Variants in LRRTM4 observed in about 807,000 individuals in gnomAD.
The protein encoded by LRRTM4 is leucine-rich repeat transmembrane neuronal protein 4.
A neutral mutation model predicts 47.6 loss-of-function variants in LRRTM4; 25 were observed. The observed-to-expected ratio is 0.53, with a 90% CI of 0.38 to 0.73. LRRTM4 has a LOEUF of 0.73. LRRTM4 is among the 30% of genes least tolerant of loss of function. LRRTM4 has a pLI of 0.00. For synonymous variants in LRRTM4, 311 were observed against 269.5 expected (o/e 1.15, Z -1.51); for missense variants, 638 against 713.4 (o/e 0.89, Z 1.20).
chr2:77,180,299 G>A (rs2103854898), intron 3 of LRRTM4, among the ~76,000 whole-genome samples: 1 of 152,178 alleles, frequency 6.6e-6, no homozygotes, highest in South Asian at 2.1e-4. Flanking sequence ...GGGAATACTG[G>A]TACATAGCAA....
intron 3 of LRRTM4, among the ~76,000 whole-genome samples, chr2:76,965,163 C>CA (rs1252259773): frequency 6.6e-6 from 1 of 151,064 alleles, no homozygotes; most frequent in African/African-American, 2.4e-5. Flanking sequence ...TCAGAAAATA[C>CA]ACACAGAGGA....
intron 3 of LRRTM4, among the ~76,000 whole-genome samples, chr2:77,033,146 C>G (rs1018880018): frequency 2.6e-5 from 4 of 151,956 alleles, no homozygotes; most frequent in Admixed American, 2.6e-4. Context: ...CAAACTTCAG[C>G]TACAGAGAGA....
intron 3 of LRRTM4, among the ~76,000 whole-genome samples, chr2:77,236,586 T>G (rs1028620370): frequency 2.0e-5 from 3 of 152,102 alleles, no homozygotes; most frequent in African/African-American, 7.2e-5. Flanking sequence ...AGAATGAGCA[T>G]CCTTTTCTCA....
chr2:77,403,140 A>C (rs528320340), intron 3 of LRRTM4, among the ~76,000 whole-genome samples: 2 of 152,154 alleles, frequency 1.3e-5, no homozygotes, highest in Admixed American at 1.3e-4. Flanking sequence ...AATGTCTCCC[A>C]GTTAACATCA....
At chr2:76,791,956 T>A (rs1674998510) in intron 3 of LRRTM4, among the ~76,000 whole-genome samples, 1 of 152,200 alleles carries the variant, frequency 6.6e-6, no homozygotes, top group African/African-American at 2.4e-5. Context: ...CACCCACTCA[T>A]GTTTTTGTAT....
chr2:77,230,054 AT>A (rs1674922384), intron 3 of LRRTM4, among the ~76,000 whole-genome samples: 1 of 151,832 alleles, frequency 6.6e-6, no homozygotes, highest in Non-Finnish European at 1.5e-5. Context: ...AATTCCTCTA[AT>A]TTTTCAGTGC....
At chr2:76,797,273 G>C (rs1474306781) in intron 3 of LRRTM4, among the ~76,000 whole-genome samples, 1 of 152,080 alleles carries the variant, frequency 6.6e-6, no homozygotes, top group Admixed American at 6.5e-5. Flanking sequence ...TCTCTCAGCA[G>C]AAACCCTACA....
intron 3 of LRRTM4, among the ~76,000 whole-genome samples, chr2:77,124,472 G>A (rs767235889): frequency 2.0e-5 from 3 of 152,102 alleles, no homozygotes; most frequent in Non-Finnish European, 4.4e-5. Flanking sequence ...AGAGCAGCAC[G>A]AGTTCAGAAG....
chr2:77,430,076 A>T (rs887373639), intron 3 of LRRTM4, among the ~76,000 whole-genome samples: 2 of 152,178 alleles, frequency 1.3e-5, no homozygotes, highest in African/African-American at 4.8e-5. Flanking sequence ...CTCAAAAAAA[A>T]AAAATCTGTT....
chr2:77,397,669 C>T (rs778407179), intron 3 of LRRTM4, among the ~76,000 whole-genome samples: 1 of 151,766 alleles, frequency 6.6e-6, no homozygotes, highest in Non-Finnish European at 1.5e-5. Flanking sequence ...GCTATTATCT[C>T]CATTATTTTG....
chr2:77,033,127 G>A (rs1678719370), intron 3 of LRRTM4, among the ~76,000 whole-genome samples: 2 of 151,974 alleles, frequency 1.3e-5, no homozygotes, highest in African/African-American at 4.8e-5. Flanking sequence ...CTCTTGGGAG[G>A]AATGGCTTCA....
chr2:77,393,583 G>T (rs554992485), intron 3 of LRRTM4, among the ~76,000 whole-genome samples: 2 of 151,948 alleles, frequency 1.3e-5, no homozygotes, highest in Non-Finnish European at 2.9e-5. Flanking sequence ...TATCCGGAAG[G>T]CTCTGGGGAA....
At position 76,867,279 on chromosome 2, in the gene LRRTM4, G is replaced by A. The variant is rs542429829; in HGVS notation, c.1552-118363C>T. On this transcript the variant is annotated intron_variant, in intron 3 of 3. Coordinates refer to ENST00000409884, the MANE Select transcript of LRRTM4 (RefSeq NM_001134745.3). ...AATTAAATTTTAAAAGAAGCATTAG[G>A]ATGTGGTGTGGTGCTTGTTAGACAG... Among the ~76,000 whole-genome samples the A allele has an allele frequency of 1.9e-4, 29 of 152,196 alleles. 1 individual carries two copies. Among genetic ancestry groups the A allele is most frequent in the Admixed American group, 1.4e-3 (21 of 15,266 alleles).
chr2:77,077,344 C>CT (rs1363886329), intron 3 of LRRTM4, among the ~76,000 whole-genome samples: 2 of 152,060 alleles, frequency 1.3e-5, no homozygotes, highest in Non-Finnish European at 2.9e-5. Flanking sequence ...TATAGTAAGA[C>CT]TAGCTTATTC....
intron 3 of LRRTM4, among the ~76,000 whole-genome samples, chr2:77,360,354 G>A (rs1672143174): frequency 6.6e-6 from 1 of 152,072 alleles, no homozygotes; most frequent in South Asian, 2.1e-4. Flanking sequence ...CTACTCGGGA[G>A]GCTGAGGCAG....
intron 3 of LRRTM4, among the ~76,000 whole-genome samples, chr2:77,275,677 T>C (rs930010017): frequency 6.6e-6 from 1 of 152,136 alleles, no homozygotes; most frequent in African/African-American, 2.4e-5. Context: ...CCTCTTCTGC[T>C]GGACCTCACC....
chr2:76,843,427 T>A (rs1331801264), intron 3 of LRRTM4, among the ~76,000 whole-genome samples: 1 of 152,184 alleles, frequency 6.6e-6, no homozygotes, highest in Non-Finnish European at 1.5e-5. Context: ...TTCTCACAAG[T>A]ATTTCAGGTG....
At chr2:76,803,849 C>G (rs1675829911) in intron 3 of LRRTM4, among the ~76,000 whole-genome samples, 1 of 152,082 alleles carries the variant, frequency 6.6e-6, no homozygotes, top group Non-Finnish European at 1.5e-5. Flanking sequence ...TATGCTATGC[C>G]AAAAACCTGA....
rs199758791 is a variant in LRRTM4, at chr2:76,905,050, TG to T, written c.1552-156135del. ...AGAACAGGCAGACTGCCTCCTCAAGTGGGTCTCTGACCCCCTGACCACTGAG... is the reference window on the plus strand; with the variant it reads ...AGAACAGGCAGACTGCCTCCTCAAGTGGTCTCTGACCCCCTGACCACTGAG... On this transcript the variant is annotated intron_variant, in intron 3 of 3. Transcript: ENST00000409884. Among the ~76,000 whole-genome samples the T allele has an allele frequency of 4.4e-3, 665 of 152,244 alleles. 2 individuals are homozygous for T. Among genetic ancestry groups the T allele is most frequent in the African/African-American group, 0.015 (608 of 41,560 alleles).
Sources: gnomAD v4.1 joint callset for allele counts (sites outside exome capture counted in the v4.1 genomes callset) on GRCh38, gnomAD v4.1.1 for gene constraint, MANE v1.5 for transcripts, NCBI Gene and HGNC (gene_info 2026-07-23, HGNC 2026-07-21) for gene names.